LAMC2: variants seen among roughly 807,000 people sequenced by gnomAD.
LAMC2 encodes laminin subunit gamma-2.
Under a neutral mutation model 140.2 loss-of-function variants are expected in LAMC2, and 97 were observed. That is an observed-to-expected ratio of 0.69 (90% CI 0.59 to 0.82). The LOEUF (loss-of-function observed/expected upper bound fraction) is 0.82. Ranked by LOEUF, LAMC2 falls within the 40% of genes least tolerant of loss-of-function variation. LAMC2 has a pLI of 0.00. For synonymous variants in LAMC2, 513 were observed against 540.2 expected (o/e 0.95, Z 0.70); for missense variants, 1,402 against 1,476.1 (o/e 0.95, Z 0.82).
At chr1:183,192,197 G>A (rs764106166) in intron 1 of LAMC2, among the ~76,000 whole-genome samples, 24 of 152,294 alleles carry the variant, frequency 1.6e-4, no homozygotes, top group African/African-American at 4.8e-4. Context: ...GAGGGGTGGA[G>A]ATCAATTGGC....
At chr1:183,257,100 G>T in the LAMC2 span, among the ~76,000 whole-genome samples, 1 of 151,888 alleles carries the variant, frequency 6.6e-6, no homozygotes, top group Admixed American at 6.6e-5. Flanking sequence ...TGCTGGCCTC[G>T]TAGAATGTGC....
intron 1 of LAMC2, among the ~76,000 whole-genome samples, chr1:183,202,447 GA>G (rs1157321947): frequency 6.6e-6 from 1 of 152,140 alleles, no homozygotes; most frequent in Non-Finnish European, 1.5e-5. Context: ...ATCTACCGAT[GA>G]GGTACTTTGG....
intron 1 of LAMC2, among the ~76,000 whole-genome samples, chr1:183,187,502 C>CAAA (rs11386933): frequency 2.4e-5 from 3 of 126,210 alleles, no homozygotes; most frequent in Admixed American, 7.7e-5. Context: ...TGATTGCCAC[C>CAAA]AAAAAAAAAA....
chr1:183,218,639 TACA>T (rs893522398), intron 4 of LAMC2, 151 bp downstream of exon 4: 13 of 712,346 alleles, frequency 1.8e-5, no homozygotes, highest in African/African-American at 8.8e-5. Context: ...ACTAAGCTTT[TACA>T]ACAACAACAG....
chr1:183,206,276 T>A (rs1437882130), intron 1 of LAMC2, among the ~76,000 whole-genome samples: 3 of 152,352 alleles, frequency 2.0e-5, no homozygotes, highest in African/African-American at 7.2e-5. Flanking sequence ...TTTTCTAGAT[T>A]AGATGTCATC....
At chr1:183,257,255 A>G in the LAMC2 span, among the ~76,000 whole-genome samples, 1 of 152,008 alleles carries the variant, frequency 6.6e-6, no homozygotes, top group African/African-American at 2.4e-5. Flanking sequence ...AGCCTGGCCA[A>G]CATAGTAAAA....
intron 22 of LAMC2, chr1:183,241,381 T>A (rs374194652): frequency 2.2e-6 from 2 of 926,038 alleles, no homozygotes; most frequent in African/African-American, 3.6e-5. Flanking sequence ...CCAGAAGAAA[T>A]GTGATGAGAG....
intron 12 of LAMC2, 126 bp from the exon 13 acceptor site, chr1:183,232,061 T>C: frequency 8.1e-7 from 1 of 1,239,854 alleles, no homozygotes; most frequent in Non-Finnish European, 1.2e-6. Flanking sequence ...GGGTCTAAAA[T>C]TTTAACCACC....
rs751206789 is a variant in LAMC2 at position 183,236,567 on chromosome 1, T to C, written c.2564T>C (p.Val855Ala). Reference sequence around the variant, plus strand: ...CACAGTCTCCGCCTCCTGGATTCAGTGTCTCGGCTTCAGGGAGTCAGTGAT... The same window carrying C: ...CACAGTCTCCGCCTCCTGGATTCAGCGTCTCGGCTTCAGGGAGTCAGTGAT... ...YQHSLRLLDS[V>A]SRLQGVSDQS... Residue 855 changes from valine (V) to alanine (A), a missense_variant, in exon 17 of 23, where the codon GTG becomes GCG. Transcript: ENST00000264144. 6.2e-7 allele frequency: 1 copy of C among 1,614,026 alleles called. No individual in the cohort carries two copies. Among genetic ancestry groups the C allele is most frequent in the Non-Finnish European group, 8.5e-7 (1 of 1,179,984 alleles).
At chr1:183,186,755 C>A (rs1354389714) in intron 1 of LAMC2, among the ~76,000 whole-genome samples, 1 of 152,166 alleles carries the variant, frequency 6.6e-6, no homozygotes, top group Non-Finnish European at 1.5e-5. Flanking sequence ...TATATACGTT[C>A]TTTCCCCAGC....
chr1:183,215,146 ATC>A (rs1659212049), intron 2 of LAMC2, among the ~76,000 whole-genome samples: 2 of 152,174 alleles, frequency 1.3e-5, no homozygotes, highest in African/African-American at 4.8e-5. Flanking sequence ...TTTCCTTGAG[ATC>A]TTAAAGATTT....
chr1:183,220,771 T>A, intron 4 of LAMC2, 54 bp from the exon 5 acceptor site: 2 of 1,554,582 alleles, frequency 1.3e-6, no homozygotes. Flanking sequence ...TCATATTTTT[T>A]CTATAGAATA....
At chr1:183,218,319 G>A (rs1659343219) in intron 3 of LAMC2, 71 bp from the exon 4 acceptor site, 1 of 1,234,682 alleles carries the variant, frequency 8.1e-7, no homozygotes, top group South Asian at 1.2e-5. Flanking sequence ...CTCATGAGCA[G>A]TTGATTTTTA....
intron 1 of LAMC2, among the ~76,000 whole-genome samples, chr1:183,190,897 T>A (rs1256187034): frequency 1.3e-5 from 2 of 152,200 alleles, no homozygotes; most frequent in African/African-American, 4.8e-5. Flanking sequence ...GGAAAGTACA[T>A]CATTTTCAAA....
At chr1:183,253,222 T>C in the LAMC2 span, among the ~76,000 whole-genome samples, 1 of 148,360 alleles carries the variant, frequency 6.7e-6, no homozygotes, top group Non-Finnish European at 1.5e-5. Flanking sequence ...TATATCTATG[T>C]TATATTACAT....
chr1:183,206,626 TG>T (rs1215440502), intron 1 of LAMC2, among the ~76,000 whole-genome samples: 1 of 135,638 alleles, frequency 7.4e-6, no homozygotes, highest in Admixed American at 8.3e-5. Context: ...CACTCCAGCC[TG>T]GGCGACAGAG....
Position 183,228,293 on chromosome 1 carries a change from T to A in LAMC2, c.1469-81T>A, listed in dbSNP as rs1659691984. The A allele has an allele frequency of 5.1e-6, 8 of 1,580,080 alleles. No individual in the cohort carries two copies. The highest frequency in any genetic ancestry group is 6.1e-6 in the Non-Finnish European group (7 of 1,150,524). On this transcript the variant is annotated intron_variant, in intron 10 of 22. Transcript: ENST00000264144. The surrounding 1 kb of genome is among the most constrained non-coding windows in gnomAD (Gnocchi z 4.3). ...ACATTTCTCTGGCTCTTCTAGAGGG[T>A]GACTCGCAACTTTAGGCCTCTGCGT...
Position 183,186,318 on chromosome 1 carries a change from C to T in LAMC2, c.-35C>T. 1.3e-6 allele frequency: 2 copies of T among 1,569,292 alleles called. No individual in the cohort carries two copies. The highest frequency in any genetic ancestry group is 2.3e-5 in the East Asian group (1 of 43,756). On this transcript the variant is annotated 5_prime_UTR_variant, in exon 1 of 23. Transcript: ENST00000264144. ...CCGAGGCGCCGGGCAGCGACCCCTG[C>T]AGCGGAGACAGAGACTGAGCGGCCC...
At position 183,228,620 on chromosome 1, in the gene LAMC2, G is replaced by A. The variant is rs1659707188; in HGVS notation, c.1714+1G>A. The A allele has an allele frequency of 6.2e-7, 1 of 1,613,818 alleles. No homozygotes were observed. Among genetic ancestry groups the A allele is most frequent in the Non-Finnish European group, 8.5e-7 (1 of 1,180,030 alleles). Reference sequence around the variant, plus strand: ...CCCAACCCAGCAGACAAGTGTCGAGGTAGGACTCCACCCCAGGCAGGCTGT... The same window carrying A: ...CCCAACCCAGCAGACAAGTGTCGAGATAGGACTCCACCCCAGGCAGGCTGT... On this transcript the variant is annotated splice_donor_variant, in intron 11 of 22. Transcript: ENST00000264144. LOFTEE classifies it high-confidence loss of function. This position sits in a 1 kb window ranked among gnomAD's most constrained non-coding sequence, Gnocchi z 4.3.
Sources: allele counts gnomAD v4.1 joint callset (sites outside exome capture counted in the v4.1 genomes callset), GRCh38; gene constraint gnomAD v4.1.1; non-coding constraint Gnocchi (gnomAD v3.1); transcripts MANE v1.5; gene names NCBI Gene and HGNC (gene_info 2026-07-23, HGNC 2026-07-21).